MAP4K3: variants seen among roughly 807,000 people sequenced by gnomAD.
MAP4K3 encodes mitogen-activated protein kinase kinase kinase kinase 3.
Under a neutral mutation model 143.5 loss-of-function variants are expected in MAP4K3, and 94 were observed. That is an observed-to-expected ratio of 0.65 (90% confidence interval 0.55 to 0.78). MAP4K3 has a LOEUF of 0.78. Among genes scored for constraint, MAP4K3 ranks in the 30% least tolerant of loss-of-function variants. The probability of loss-of-function intolerance (pLI) is 0.00; values close to 1 mark genes in which losing one functional copy is unlikely to be tolerated. For synonymous variants in MAP4K3, 416 were observed against 347.2 expected (o/e 1.20, Z -2.20); for missense variants, 1,077 against 1,068.1 (o/e 1.01, Z -0.12).
chr2:39,294,212 G>C lies in MAP4K3; in HGVS notation c.1179-944C>G, dbSNP rs1226708294. 2.6e-5 allele frequency: 4 copies of C among 151,950 alleles called. No individual in the cohort carries two copies. In the East Asian group the frequency reaches 7.7e-4, roughly 29 times the overall value. The allele number at this position is 151,950 out of a possible 1,614,324, so 9.4% of individuals were successfully genotyped here. A position where few individuals can be genotyped will look rare whatever the true frequency, so the allele number is the denominator to read the frequency against. ...TTATTTTCCCTCCTAATACATATCA[G>C]GAAAAACTGCCCTTAAAATTACAAA... On this transcript the variant is annotated intron_variant, in intron 16 of 33. Coordinates refer to ENST00000263881, the MANE Select transcript of MAP4K3 (RefSeq NM_003618.4).
At chr2:39,377,201 CTT>C (rs56149359) in intron 2 of MAP4K3, among the ~76,000 whole-genome samples, 15 of 110,578 alleles carry the variant, frequency 1.4e-4, no homozygotes, top group South Asian at 3.2e-4. Flanking sequence ...GCTATTTGGC[CTT>C]TTTTTTTTTT....
At chr2:39,369,207 T>TTTTTTTTGTTTTTTG (rs1478508775) in intron 2 of MAP4K3, among the ~76,000 whole-genome samples, 7 of 144,336 alleles carry the variant, frequency 4.8e-5, no homozygotes, top group Non-Finnish European at 4.5e-5. Flanking sequence ...TTTTTTTTGT[T>TTTTTTTTGTTTTTTG]TTTTTTGAGA....
chr2:39,255,726 A>G (rs6544215), intron 31 of MAP4K3, among the ~76,000 whole-genome samples: 117,231 of 152,178 alleles, frequency 0.77, 45,999 homozygotes, highest in Non-Finnish European at 0.85. Context: ...GGGTCTCCCA[A>G]TGTTGTCCAG....
At chr2:39,381,053 A>C (rs555384205) in intron 1 of MAP4K3, among the ~76,000 whole-genome samples, 20 of 152,328 alleles carry the variant, frequency 1.3e-4, no homozygotes, top group African/African-American at 4.8e-4. Flanking sequence ...TATTTCATGT[A>C]AATGGGATCA....
In MAP4K3 at chr2:39,436,940, G is replaced by C. The variant is rs1265079535; in HGVS notation, c.48C>G (p.Phe16Leu). The change falls in exon 1 of 34, where the codon TTC (phenylalanine) becomes TTG (leucine). Residue 16 changes from phenylalanine (F) to leucine (L), a missense_variant. Coordinates refer to ENST00000263881, the MANE Select transcript of MAP4K3 (RefSeq NM_003618.4). ...DLSRRNPQED[F>L]ELIQRIGSGT... ...CGCTGCCGATGCGCTGAATCAGCTCGAAGTCCTCCTGCGGGTTCCGGCGGG... is the reference window on the plus strand; with the variant it reads ...CGCTGCCGATGCGCTGAATCAGCTCCAAGTCCTCCTGCGGGTTCCGGCGGG... 16 of 1,612,762 alleles carry C rather than the reference G, an allele frequency of 9.9e-6. No individual in the cohort carries two copies. Among genetic ancestry groups the C allele is most frequent in the Non-Finnish European group, 1.4e-5 (16 of 1,179,480 alleles).
At chr2:39,406,112 T>C (rs145810379) in intron 1 of MAP4K3, among the ~76,000 whole-genome samples, 18 of 151,930 alleles carry the variant, frequency 1.2e-4, no homozygotes, top group African/African-American at 2.4e-4. Flanking sequence ...GAAGAGCACA[T>C]TGGAGTCTCT....
intron 28 of MAP4K3, among the ~76,000 whole-genome samples, chr2:39,264,209 C>T (rs1485493577): frequency 6.6e-6 from 1 of 152,158 alleles, no homozygotes; most frequent in Non-Finnish European, 1.5e-5. Context: ...GAGCTGAGAA[C>T]AAAACAATGT....
At chr2:39,386,193 G>T (rs1666501128) in intron 1 of MAP4K3, among the ~76,000 whole-genome samples, 1 of 152,126 alleles carries the variant, frequency 6.6e-6, no homozygotes, top group Admixed American at 6.5e-5. Context: ...CATGCACAGT[G>T]AAAAGGCCAT....
chr2:39,279,132 C>T (rs1681400155), intron 23 of MAP4K3, among the ~76,000 whole-genome samples: 2 of 152,048 alleles, frequency 1.3e-5, no homozygotes, highest in African/African-American at 4.8e-5. Context: ...CCAAGAGATC[C>T]AAGCAGGCAA....
intron 1 of MAP4K3, among the ~76,000 whole-genome samples, chr2:39,432,731 G>A (rs939726808): frequency 5.3e-5 from 8 of 152,100 alleles, no homozygotes; most frequent in African/African-American, 1.2e-4. Flanking sequence ...AAACTAACAC[G>A]TAATTATCTA....
chr2:39,371,739 A>AG (rs773952775), intron 2 of MAP4K3, among the ~76,000 whole-genome samples: 18 of 152,072 alleles, frequency 1.2e-4, no homozygotes, highest in Non-Finnish European at 2.1e-4. Flanking sequence ...TAGCTATATC[A>AG]GAAAAAAAAG....
In MAP4K3 at chr2:39,337,752, GTTTTTTTTTTT is replaced by G. The variant is rs570853243; in HGVS notation, c.311-182_311-172del. 1.8e-4 allele frequency among the ~76,000 whole-genome samples: 13 copies of G among 70,514 alleles called. 1 individual carries two copies. Among genetic ancestry groups the G allele is most frequent in the East Asian group, 5.2e-4 (1 of 1,918 alleles). 46.3% of individuals were successfully genotyped at this position (70,514 alleles called of 152,430 possible). A position where few individuals can be genotyped will look rare whatever the true frequency, so the allele number is the denominator to read the frequency against. On this transcript the variant is annotated intron_variant, in intron 4 of 33. Coordinates refer to ENST00000263881, the MANE Select transcript of MAP4K3 (RefSeq NM_003618.4). ...TACTGTCCTACTGTGCCTGGCTCCA[GTTTTTTTTTTT>G]TTTTTTTTTTTTTTTTTGAGACAGG...
chr2:39,316,624 G>T (rs1683120907), intron 12 of MAP4K3, among the ~76,000 whole-genome samples: 1 of 152,126 alleles, frequency 6.6e-6, no homozygotes, highest in South Asian at 2.1e-4. Context: ...TGAGGCCAGG[G>T]AATGAAAGAT....
intron 1 of MAP4K3, among the ~76,000 whole-genome samples, chr2:39,408,868 C>G (rs1667164027): frequency 6.6e-6 from 1 of 152,154 alleles, no homozygotes; most frequent in South Asian, 2.1e-4. Flanking sequence ...TTTGATTCTC[C>G]AAGACTGCTT....
At chr2:39,346,198 T>C (rs1665287245) in intron 3 of MAP4K3, among the ~76,000 whole-genome samples, 2 of 152,204 alleles carry the variant, frequency 1.3e-5, no homozygotes, top group Non-Finnish European at 2.9e-5. Context: ...ATGTAACCAC[T>C]ATCTCCTTTA....
At chr2:39,366,694 C>A (rs1329972702) in intron 2 of MAP4K3, among the ~76,000 whole-genome samples, 1 of 152,158 alleles carries the variant, frequency 6.6e-6, no homozygotes, top group East Asian at 1.9e-4. Flanking sequence ...ACACAGTAAT[C>A]TATGGCTAAC....
At chr2:39,394,984 C>G (rs1314630474) in intron 1 of MAP4K3, among the ~76,000 whole-genome samples, 1 of 152,072 alleles carries the variant, frequency 6.6e-6, no homozygotes, top group African/African-American at 2.4e-5. Flanking sequence ...CTCTTAACAT[C>G]TGAAACAAAA....
Position 39,363,189 on chromosome 2 carries a change from A to G in MAP4K3, c.155-6850T>C, listed in dbSNP as rs188382477. Among the ~76,000 whole-genome samples, 15 of 152,356 alleles carry G rather than the reference A, an allele frequency of 9.8e-5. No individual in the cohort carries two copies. The East Asian group carries it at 1.5e-3, about 16-fold the overall frequency. On this transcript the variant is annotated intron_variant, in intron 2 of 33. Coordinates refer to ENST00000263881, the MANE Select transcript of MAP4K3 (RefSeq NM_003618.4). ...GGATATGACATTAAAAGCACAGGCA[A>G]CAAAAGCAAAAACAGACAACTGAAA...
chr2:39,290,409 CA>C, intron 18 of MAP4K3, 75 bp from the exon 19 acceptor site: 1 of 916,622 alleles, frequency 1.1e-6, no homozygotes, highest in Non-Finnish European at 1.6e-6. Context: ...ATAATTTTTT[CA>C]AAGACACATA....
Sources: gnomAD v4.1 joint callset for allele counts (sites outside exome capture counted in the v4.1 genomes callset) on GRCh38, gnomAD v4.1.1 for gene constraint, MANE v1.5 for transcripts, NCBI Gene and HGNC (gene_info 2026-07-23, HGNC 2026-07-21) for gene names.